Variants in GRID1 observed in about 807,000 individuals in gnomAD.
GRID1 encodes glutamate ionotropic receptor delta type subunit 1.
A neutral mutation model predicts 98.0 loss-of-function variants in GRID1; 28 were observed. That is an observed-to-expected ratio of 0.29 (90% CI 0.21 to 0.39). The LOEUF is 0.39. GRID1 is among the 10% of genes least tolerant of loss of function. The pLI, the probability that GRID1 is intolerant of heterozygous loss-of-function variation, is 1.00. For missense variants in GRID1, 1,111 were observed against 1,340.5 expected (o/e 0.83, Z 2.67); for synonymous variants, 553 against 538.5 (o/e 1.03, Z -0.37).
chr10:86,157,906 C>T (rs914974849), intron 3 of GRID1, among the ~76,000 whole-genome samples: 5 of 152,212 alleles, frequency 3.3e-5, no homozygotes, highest in Non-Finnish European at 7.3e-5. Flanking sequence ...GCCTGAGCTC[C>T]GGCTCCAGCT....
At chr10:86,189,386 C>G (rs1845769421) in intron 3 of GRID1, among the ~76,000 whole-genome samples, 1 of 152,018 alleles carries the variant, frequency 6.6e-6, no homozygotes, top group South Asian at 2.1e-4. Flanking sequence ...ATGCTGTGGT[C>G]TCACTGCTAC....
At chr10:85,965,637 G>T (rs898561933) in intron 4 of GRID1, among the ~76,000 whole-genome samples, 1 of 152,108 alleles carries the variant, frequency 6.6e-6, no homozygotes, top group Non-Finnish European at 1.5e-5. Flanking sequence ...GGCCTGTCAG[G>T]GGGTGGGAGG....
intron 10 of GRID1, among the ~76,000 whole-genome samples, chr10:85,726,483 G>GATT (rs1277809814): frequency 6.6e-6 from 1 of 152,130 alleles, no homozygotes; most frequent in Non-Finnish European, 1.5e-5. Flanking sequence ...GAAGAGGATA[G>GATT]ATAATAGAAT....
chr10:85,694,589 TATATATATATATAA>T (rs1841372125), intron 12 of GRID1, among the ~76,000 whole-genome samples: 1 of 87,162 alleles, frequency 1.1e-5, no homozygotes, highest in Non-Finnish European at 2.1e-5. Context: ...TATATATATA[TATATATATATATAA>T]TGGAATATTA....
intron 2 of GRID1, among the ~76,000 whole-genome samples, chr10:86,280,264 T>C (rs966731188): frequency 6.6e-6 from 1 of 152,202 alleles, no homozygotes; most frequent in African/African-American, 2.4e-5. Context: ...ATTTAAAATT[T>C]TAAAAATATG....
At chr10:85,888,123 T>G (rs1177465057) in intron 5 of GRID1, among the ~76,000 whole-genome samples, 1 of 152,230 alleles carries the variant, frequency 6.6e-6, no homozygotes, top group African/African-American at 2.4e-5. Context: ...ATGAAATAAA[T>G]GAGCCATTGT....
intron 12 of GRID1, among the ~76,000 whole-genome samples, chr10:85,675,852 G>A (rs189986033): frequency 6.6e-6 from 1 of 152,278 alleles, no homozygotes; most frequent in Admixed American, 6.5e-5. Flanking sequence ...AAGTCATAGG[G>A]CAGGGGTGGT....
chr10:85,848,354 C>T (rs1016712194), intron 8 of GRID1, among the ~76,000 whole-genome samples: 6 of 151,930 alleles, frequency 3.9e-5, no homozygotes, highest in Non-Finnish European at 5.9e-5. Context: ...TTTATGACAG[C>T]ACTATTCTAT....
intron 13 of GRID1, among the ~76,000 whole-genome samples, chr10:85,632,733 T>C (rs1411260880): frequency 6.6e-6 from 1 of 152,110 alleles, no homozygotes. Flanking sequence ...TTAAAAATTA[T>C]TTTATTTGAA....
chr10:85,822,574 TTTTACACCATTGGTGGG>T, intron 8 of GRID1, among the ~76,000 whole-genome samples: 2 of 152,144 alleles, frequency 1.3e-5, no homozygotes, highest in Admixed American at 1.3e-4. Flanking sequence ...ATAGGAACAC[TTTTACACCATTGGTGGG>T]ACTGTAAACT....
chr10:85,958,812 C>A (rs1047992211), intron 4 of GRID1, among the ~76,000 whole-genome samples: 3 of 151,970 alleles, frequency 2.0e-5, no homozygotes, highest in African/African-American at 7.2e-5. Flanking sequence ...ACAAAGTTAG[C>A]CAGGCATGAT....
chr10:85,717,492 T>G (rs181710908), intron 12 of GRID1, among the ~76,000 whole-genome samples: 69 of 152,228 alleles, frequency 4.5e-4, no homozygotes, highest in Non-Finnish European at 7.8e-4. Context: ...CTATTCGCTA[T>G]CACAAGAATA....
intron 8 of GRID1, among the ~76,000 whole-genome samples, chr10:85,768,661 A>G (rs1344824489): frequency 6.6e-6 from 1 of 152,250 alleles, no homozygotes; most frequent in Non-Finnish European, 1.5e-5. Context: ...CAGGATAAAG[A>G]AAAATACATT....
At chr10:85,780,090 T>C (rs10159530) in intron 8 of GRID1, among the ~76,000 whole-genome samples, 7,353 of 152,138 alleles carry the variant, frequency 0.048, 441 homozygotes, top group African/African-American at 0.13. Context: ...TTGGATGAAA[T>C]AAAAGGGGCA....
At position 86,366,689 on chromosome 10, in the gene GRID1, C is replaced by G. The variant is rs1848687000; in HGVS notation, c.-297G>C. ...CCGCGGCTGTGGCAGCGGCGCTTCC[C>G]GCGGCTAGAGCGGCTTCGGGGGAGG... On this transcript the variant is annotated 5_prime_UTR_variant, in exon 1 of 16. Coordinates refer to ENST00000327946, the MANE Select transcript of GRID1 (RefSeq NM_017551.3). This position sits in a 1 kb window ranked among gnomAD's most constrained non-coding sequence, Gnocchi z 4.1. 6.7e-6 allele frequency among the ~76,000 whole-genome samples: 1 copy of G among 149,346 alleles called. No homozygotes were observed. Among genetic ancestry groups the G allele is most frequent in the African/African-American group, 2.4e-5 (1 of 41,130 alleles).
At chr10:85,791,581 A>AAT (rs1414028534) in intron 8 of GRID1, among the ~76,000 whole-genome samples, 1 of 152,118 alleles carries the variant, frequency 6.6e-6, no homozygotes, top group African/African-American at 2.4e-5. Context: ...AGAAAGTGAC[A>AAT]ATATATATAT....
chr10:85,896,185 T>G (rs899972361), intron 5 of GRID1, among the ~76,000 whole-genome samples: 5 of 148,776 alleles, frequency 3.4e-5, no homozygotes, highest in Non-Finnish European at 5.9e-5. Flanking sequence ...GTGGCTTTTC[T>G]GTCTATTTCT....
At position 86,192,196 on chromosome 10, in the gene GRID1, A is replaced by G. The variant is rs188459219; in HGVS notation, c.520+14168T>C. ...AACACACACCCACAGACACCTGCGC[A>G]CACACACACACATGGAGGCTCCAAG... On this transcript the variant is annotated intron_variant, in intron 3 of 15. Transcript: ENST00000327946. This position sits in a 1 kb window ranked among gnomAD's most constrained non-coding sequence, Gnocchi z 4.8. 0.013 allele frequency among the ~76,000 whole-genome samples: 2,013 copies of G among 151,398 alleles called. 48 individuals are homozygous for G. Among genetic ancestry groups the G allele is most frequent in the African/African-American group, 0.046 (1,889 of 41,442 alleles).
intron 12 of GRID1, among the ~76,000 whole-genome samples, chr10:85,702,866 G>A (rs182476623): frequency 6.6e-6 from 1 of 151,350 alleles, no homozygotes; most frequent in Non-Finnish European, 1.5e-5. Context: ...GAAGAAAAAA[G>A]GGGAGGAGAA....
Sources: gnomAD v4.1 joint callset for allele counts (sites outside exome capture counted in the v4.1 genomes callset) on GRCh38, gnomAD v4.1.1 for gene constraint, Gnocchi (gnomAD v3.1) non-coding constraint, MANE v1.5 for transcripts, NCBI Gene and HGNC (gene_info 2026-07-23, HGNC 2026-07-21) for gene names.